ANKRD18A: variants seen among roughly 807,000 people sequenced by gnomAD.
ANKRD18A encodes the protein ankyrin repeat domain-containing protein 18A.
Under a neutral mutation model 110.6 loss-of-function variants are expected in ANKRD18A, and 72 were observed. The observed-to-expected ratio is 0.65, with a 90% CI of 0.54 to 0.79. The LOEUF is 0.79. Ranked by LOEUF, ANKRD18A falls within the 30% of genes least tolerant of loss-of-function variation. The pLI, the probability that ANKRD18A is intolerant of heterozygous loss-of-function variation, is 0.00. For missense variants in ANKRD18A, 934 were observed against 1,163.3 expected (o/e 0.80, Z 2.87); for synonymous variants, 305 against 410.3 (o/e 0.74, Z 3.10).
At chr9:38,576,297 A>G (rs1435831009) in intron 14 of ANKRD18A, among the ~76,000 whole-genome samples, 4 of 152,154 alleles carry the variant, frequency 2.6e-5, no homozygotes, top group African/African-American at 7.2e-5. Context: ...CAGAGCAACA[A>G]CTCCTGGGGG....
In ANKRD18A at chr9:38,596,283, T is replaced by C. The variant is rs757559224; in HGVS notation, c.1057A>G (p.Lys353Glu). The C allele has an allele frequency of 1.1e-5, 17 of 1,538,902 alleles. No individual in the cohort carries two copies. The South Asian group carries it at 2.0e-4, about 18-fold the overall frequency. ...CTTTTAATTTCCTGAATATATTTCT[T>C]TTCCTTTCTGAGACTGTCATTTTTT... ...AIKNDSLRKEKKYIQEIKSIT... is the reference protein window; with the variant it reads ...AIKNDSLRKEEKYIQEIKSIT... Residue 353 changes from lysine to glutamate, a missense_variant, in exon 9 of 16, where the codon AAG (lysine) becomes GAG (glutamate). Lys to Glu is a moderately conservative substitution (Grantham distance 56). Transcript: ENST00000399703.
rs377760015 is a variant in ANKRD18A at position 38,607,458 on chromosome 9, A to G, written c.776T>C (p.Met259Thr). ...RQQILEHKNK[M>T]LKNHLRNDNQ... ...GTCATTTCGAAGATGATTTTTAAGC[A>G]TTTTATTTTTATGTTCCAAAATTTG... Residue 259 changes from methionine to threonine, a missense_variant, in exon 6 of 16, where the codon ATG becomes ACG. Around this residue, in one of 4 missense-constraint regions of ANKRD18A, gnomAD observed 630 missense variants for 797.5 expected, o/e 0.79. Coordinates refer to ENST00000399703, the MANE Select transcript of ANKRD18A (RefSeq NM_147195.4). 4.0e-6 allele frequency: 6 copies of G among 1,506,112 alleles called. No homozygotes were observed. In the African/African-American group the frequency reaches 7.1e-5, roughly 18 times the overall value. The allele number at this position is 1,506,112 out of a possible 1,614,324, so 93.3% of individuals were successfully genotyped here. A position where few individuals can be genotyped will look rare whatever the true frequency, so the allele number is the denominator to read the frequency against.
chr9:38,612,389 T>G (rs908331103), intron 3 of ANKRD18A, among the ~76,000 whole-genome samples: 3 of 152,170 alleles, frequency 2.0e-5, no homozygotes, highest in African/African-American at 7.2e-5. Context: ...AACATTATTT[T>G]TTTTACTTTA....
intron 1 of ANKRD18A, 122 bp downstream of exon 1, chr9:38,619,958 A>G (rs1826014183): frequency 2.4e-6 from 3 of 1,265,632 alleles, no homozygotes; most frequent in African/African-American, 1.5e-5. Context: ...CTGAGGCTCC[A>G]TTTGGCTCCG....
At chr9:38,594,012 AC>A (rs1220975360) in intron 9 of ANKRD18A, 103 bp from the exon 10 acceptor site, 8 of 1,175,430 alleles carry the variant, frequency 6.8e-6, no homozygotes, top group Non-Finnish European at 9.1e-6. Context: ...TACCACACAC[AC>A]AGATTCACTT....
chr9:38,594,081 A>G (rs868307982), intron 9 of ANKRD18A, among the ~76,000 whole-genome samples, 172 bp from the exon 10 acceptor site: 6 of 152,314 alleles, frequency 3.9e-5, no homozygotes, highest in African/African-American at 1.4e-4. Context: ...GGGACATAGA[A>G]GGTGTTATAT....
At chr9:38,605,458 C>T (rs1481450456) in intron 6 of ANKRD18A, among the ~76,000 whole-genome samples, 1 of 152,134 alleles carries the variant, frequency 6.6e-6, no homozygotes, top group Non-Finnish European at 1.5e-5. Flanking sequence ...CAATTATGTA[C>T]TAAGTTAACG....
chr9:38,592,077 T>G (rs1824675051), intron 10 of ANKRD18A, among the ~76,000 whole-genome samples: 1 of 152,352 alleles, frequency 6.6e-6, no homozygotes, highest in South Asian at 2.1e-4. Flanking sequence ...ATTTAGATTC[T>G]TTTTTCATAC....
intron 1 of ANKRD18A, 31 bp from the exon 2 acceptor site, chr9:38,616,075 G>A (rs1297590028): frequency 3.4e-6 from 5 of 1,485,680 alleles, no homozygotes; most frequent in Non-Finnish European, 3.6e-6. Context: ...TTCAGGAAAT[G>A]TAGTGCAATA....
intron 14 of ANKRD18A, among the ~76,000 whole-genome samples, 179 bp from the exon 15 acceptor site, chr9:38,575,877 C>A (rs1157747653): frequency 6.6e-6 from 1 of 152,138 alleles, no homozygotes; most frequent in Non-Finnish European, 1.5e-5. Flanking sequence ...TAAAATCATC[C>A]TAAATAAGTA....
chr9:38,583,793 T>C (rs1409400069), intron 12 of ANKRD18A, among the ~76,000 whole-genome samples: 2 of 152,216 alleles, frequency 1.3e-5, no homozygotes, highest in African/African-American at 4.8e-5. Flanking sequence ...AATGGAATAT[T>C]TCTCAGCAAT....
intron 4 of ANKRD18A, 41 bp from the exon 5 acceptor site, chr9:38,610,451 G>A: frequency 6.6e-7 from 1 of 1,515,396 alleles, no homozygotes; most frequent in Non-Finnish European, 8.8e-7. Context: ...GAACTTTGAT[G>A]AAGATATTTA....
chr9:38,584,143 A>G (rs1824275757), intron 12 of ANKRD18A, among the ~76,000 whole-genome samples: 1 of 152,096 alleles, frequency 6.6e-6, no homozygotes, highest in South Asian at 2.1e-4. Flanking sequence ...CTTCCCTTTC[A>G]CTTAATAAAT....
intron 7 of ANKRD18A, among the ~76,000 whole-genome samples, chr9:38,601,825 T>A (rs1388289273): frequency 6.6e-6 from 1 of 151,894 alleles, no homozygotes; most frequent in Non-Finnish European, 1.5e-5. Context: ...ACCCTGACTC[T>A]ATAGAAAATT....
At chr9:38,575,369 C>G in intron 15 of ANKRD18A, 107 bp downstream of exon 15, 2 of 1,196,432 alleles carry the variant, frequency 1.7e-6, no homozygotes. Context: ...TAATTATAAT[C>G]TTTACTTAAC....
intron 1 of ANKRD18A, 22 bp downstream of exon 1, chr9:38,620,058 G>A (rs760837586): frequency 6.1e-5 from 94 of 1,548,464 alleles, no homozygotes; most frequent in Non-Finnish European, 8.0e-5. Context: ...CCCTCCCACC[G>A]CGGGCTGAGT....
At chr9:38,594,950 C>T (rs2118775298) in intron 9 of ANKRD18A, among the ~76,000 whole-genome samples, 1 of 152,290 alleles carries the variant, frequency 6.6e-6, no homozygotes, top group Non-Finnish European at 1.5e-5. Context: ...ATCAGCATTG[C>T]TCTGCATCTA....
chr9:38,569,639 T>C (rs1476841224), downstream of ANKRD18A, among the ~76,000 whole-genome samples: 4 of 152,080 alleles, frequency 2.6e-5, no homozygotes, highest in African/African-American at 7.2e-5. Flanking sequence ...TGTGCATGCA[T>C]TGTGTTTGTG....
downstream of ANKRD18A, chr9:38,567,321 C>G (rs1056657849): frequency 6.6e-6 from 1 of 152,204 alleles, no homozygotes; most frequent in Non-Finnish European, 1.5e-5. Context: ...TATCTCTTTG[C>G]TAGTGTTATT....
Sources: gnomAD v4.1 joint callset for allele counts (sites outside exome capture counted in the v4.1 genomes callset) on GRCh38, gnomAD v4.1.1 for gene constraint, gnomAD v4.1.1 regional missense constraint, MANE v1.5 for transcripts, NCBI Gene and HGNC (gene_info 2026-07-23, HGNC 2026-07-21) for gene names.